Variants in CACNA1C observed in about 807,000 individuals in gnomAD.
The protein encoded by CACNA1C is calcium voltage-gated channel subunit alpha1 C.
CACNA1C carries 30 observed loss-of-function variants against 229.0 expected under a neutral mutation model. The ratio of observed to expected loss-of-function variants is 0.13; its 90% CI spans 0.10 to 0.18. The LOEUF is 0.18. Ranked by LOEUF, CACNA1C falls within the 10% of genes least tolerant of loss-of-function variation. The pLI is 1.00. For missense variants in CACNA1C, 1,658 were observed against 2,845.0 expected (o/e 0.58, Z 9.49); for synonymous variants, 1,114 against 1,132.5 (o/e 0.98, Z 0.33).
At position 2,504,558 on chromosome 12, in the gene CACNA1C, T is replaced by C; in HGVS notation, c.1114-284T>C. ...TGAGCGGGTAAGCTGACCGTTTCTA[T>C]GTCCTCTCCACAACGCAGCCGAGCA... On this transcript the variant is annotated intron_variant, in intron 7 of 46. Coordinates refer to ENST00000399655, the MANE Select transcript of CACNA1C (RefSeq NM_000719.7). The surrounding 1 kb of genome is among the most constrained non-coding windows in gnomAD (Gnocchi z 6.8). 1.4e-6 allele frequency: 2 copies of C among 1,417,730 alleles called. No homozygotes were observed. The highest frequency in any genetic ancestry group is 1.4e-5 in the African/African-American group (1 of 71,026). The allele number at this position is 1,417,730 out of a possible 1,614,324, so 87.8% of individuals were successfully genotyped here.
intron 1 of CACNA1C, among the ~76,000 whole-genome samples, chr12:2,097,209 G>T (rs549235160): frequency 1.3e-5 from 2 of 152,004 alleles, no homozygotes; most frequent in Admixed American, 1.3e-4. Context: ...GCAGTGGCGC[G>T]ATCTCGGCTC....
chr12:2,027,556 A>G (rs1030141838), intron 1 of CACNA1C, among the ~76,000 whole-genome samples: 1 of 152,212 alleles, frequency 6.6e-6, no homozygotes, highest in Non-Finnish European at 1.5e-5. Flanking sequence ...TAACAATTGT[A>G]TAACCTCTTC....
At chr12:2,487,099 G>A (rs1385018703) in intron 6 of CACNA1C, among the ~76,000 whole-genome samples, 1 of 152,152 alleles carries the variant, frequency 6.6e-6, no homozygotes, top group African/African-American at 2.4e-5. Context: ...AATTGACAAG[G>A]CTTTTAAACA....
Position 1,971,139 on chromosome 12 carries a change from T to A in CACNA1C, c.77T>A (p.Val26Asp), listed in dbSNP as rs1565781134. ...AGCCACCTGTCTGCCAACACGGAGG[T>A]CAAGTTTAAGGGTACTTTGGTGCAT... The change falls in exon 1 of 47, where the codon GTC becomes GAC. Residue 26 changes from valine (V) to aspartate (D), a missense_variant. Val to Asp is a radical substitution (Grantham distance 152). Transcript: ENST00000682462. The surrounding 1 kb of genome is among the most constrained non-coding windows in gnomAD (Gnocchi z 4.2). 2 of 1,289,206 alleles carry A rather than the reference T, an allele frequency of 1.6e-6. No homozygotes were observed. Among genetic ancestry groups the A allele is most frequent in the Non-Finnish European group, 2.0e-6 (2 of 988,508 alleles). The allele number at this position is 1,289,206 out of a possible 1,614,324, so 79.9% of individuals were successfully genotyped here. A position where few individuals can be genotyped will look rare whatever the true frequency, so the allele number is the denominator to read the frequency against.
rs186840394 is a variant in CACNA1C at position 2,033,890 on chromosome 12, A to G, written c.139+62689A>G. ...CCCTGGCCATACTGCCCTCGAAGACAGCTTAGTGCTGGCAGCATGTTCCGA... is the reference window on the plus strand; with the variant it reads ...CCCTGGCCATACTGCCCTCGAAGACGGCTTAGTGCTGGCAGCATGTTCCGA... On this transcript the variant is annotated intron_variant, in intron 1 of 46. Transcript: ENST00000682462. Among the ~76,000 whole-genome samples the G allele has an allele frequency of 1.3e-4, 20 of 152,340 alleles. 1 individual carries two copies. Among genetic ancestry groups the G allele is most frequent in the Admixed American group, 1.3e-3 (20 of 15,306 alleles).
At chr12:2,503,374 G>A (rs1052797247) in intron 7 of CACNA1C, among the ~76,000 whole-genome samples, 1 of 152,196 alleles carries the variant, frequency 6.6e-6, no homozygotes, top group African/African-American at 2.4e-5. Flanking sequence ...TGCATTTTTA[G>A]GAAGCCAGAA....
At chr12:2,668,812 C>CA in intron 37 of CACNA1C, 121 bp from the exon 38 acceptor site, 1 of 695,322 alleles carries the variant, frequency 1.4e-6, no homozygotes, top group South Asian at 1.7e-5. Flanking sequence ...CTGGGGATTA[C>CA]AATTCAACAT....
At chr12:2,375,148 G>A (rs888348744) in intron 3 of CACNA1C, among the ~76,000 whole-genome samples, 23 of 152,326 alleles carry the variant, frequency 1.5e-4, no homozygotes, top group African/African-American at 3.6e-4. Flanking sequence ...AGTGCAGGGC[G>A]CACTTCTCAC....
intron 9 of CACNA1C, chr12:2,547,501 T>G: frequency 1.3e-6 from 1 of 779,744 alleles, no homozygotes; most frequent in Non-Finnish European, 2.4e-6. Context: ...TTTGCTTGGT[T>G]TAGTCACTCC....
chr12:2,337,954 A>T (rs1381368161), intron 3 of CACNA1C, among the ~76,000 whole-genome samples: 1 of 152,138 alleles, frequency 6.6e-6, no homozygotes, highest in East Asian at 1.9e-4. Flanking sequence ...CCCCAGGCAG[A>T]TCTCCTTAAT....
In CACNA1C at chr12:2,275,377, G is replaced by T. The variant is rs1001715620; in HGVS notation, c.477+154947G>T. 1.3e-5 allele frequency among the ~76,000 whole-genome samples: 2 copies of T among 152,140 alleles called. No individual in the cohort carries two copies. Among genetic ancestry groups the T allele is most frequent in the African/African-American group, 4.8e-5 (2 of 41,422 alleles). On this transcript the variant is annotated intron_variant, in intron 3 of 46. Transcript: ENST00000399655. This position sits in a 1 kb window ranked among gnomAD's most constrained non-coding sequence, Gnocchi z 4.1. ...CACCCAACAGGGGACAGTCCTGCTG[G>T]CTGTGTCTTCCCGGAAGGCTCGTGC...
chr12:2,142,055 G>C (rs1312752145), intron 3 of CACNA1C, among the ~76,000 whole-genome samples: 1 of 151,094 alleles, frequency 6.6e-6, no homozygotes, highest in Admixed American at 6.7e-5. Context: ...CACTGAATGG[G>C]GAAGTCCCTG....
chr12:2,589,661 C>T (rs2064271137), intron 18 of CACNA1C, among the ~76,000 whole-genome samples: 1 of 145,156 alleles, frequency 6.9e-6, no homozygotes, highest in Non-Finnish European at 1.6e-5. Flanking sequence ...AGAGGAGGCC[C>T]TGACCTGATG....
intron 3 of CACNA1C, among the ~76,000 whole-genome samples, chr12:2,351,709 A>G (rs886487351): frequency 2.6e-5 from 4 of 152,122 alleles, no homozygotes; most frequent in Non-Finnish European, 4.4e-5. Context: ...TGCAGAAGGG[A>G]AAACAGCATT....
At chr12:2,006,044 A>G (rs1267041071) in intron 1 of CACNA1C, among the ~76,000 whole-genome samples, 8 of 152,242 alleles carry the variant, frequency 5.3e-5, no homozygotes, top group South Asian at 4.1e-4. Context: ...AGTTATTTTT[A>G]ATTTCCAATA....
intron 3 of CACNA1C, among the ~76,000 whole-genome samples, chr12:2,290,600 G>A (rs1288166770): frequency 6.6e-6 from 1 of 152,184 alleles, no homozygotes; most frequent in Non-Finnish European, 1.5e-5. Flanking sequence ...AGGTGGCAGT[G>A]GAAACGTGAT....
chr12:2,270,772 A>G (rs1162909637), intron 3 of CACNA1C, among the ~76,000 whole-genome samples: 1 of 152,194 alleles, frequency 6.6e-6, no homozygotes, highest in African/African-American at 2.4e-5. Context: ...CAATGTCTGT[A>G]TTGCCACTAT....
intron 3 of CACNA1C, among the ~76,000 whole-genome samples, chr12:2,121,650 G>A (rs910514406): frequency 1.4e-4 from 22 of 152,184 alleles, no homozygotes; most frequent in Admixed American, 7.9e-4. Context: ...ATCGGCCGCC[G>A]TCCGTGAGGC....
intron 9 of CACNA1C, among the ~76,000 whole-genome samples, chr12:2,518,793 G>A (rs2099803676): frequency 6.6e-6 from 1 of 152,188 alleles, no homozygotes; most frequent in Non-Finnish European, 1.5e-5. Context: ...GCACTGTTGA[G>A]TGATCATGCT....
Sources: gnomAD v4.1 joint callset for allele counts (sites outside exome capture counted in the v4.1 genomes callset) on GRCh38, gnomAD v4.1.1 for gene constraint, Gnocchi (gnomAD v3.1) non-coding constraint, MANE v1.5 for transcripts, NCBI Gene and HGNC (gene_info 2026-07-23, HGNC 2026-07-21) for gene names.